CDH18: variants seen among roughly 807,000 people sequenced by gnomAD.
The protein encoded by CDH18 is cadherin-18.
CDH18 carries 31 observed loss-of-function variants against 67.9 expected under a neutral mutation model. The ratio of observed to expected loss-of-function variants is 0.46; its 90% confidence interval spans 0.34 to 0.62. CDH18 has a LOEUF of 0.62. CDH18 is among the 20% of genes least tolerant of loss of function. CDH18 has a pLI of 0.01. For missense variants in CDH18, 890 were observed against 975.5 expected, an observed-to-expected ratio of 0.91 and a Z score of 1.17; for synonymous variants, 362 against 347.2, an observed-to-expected ratio of 1.04 and a Z score of -0.48.
Position 19,655,914 on chromosome 5 carries a change from G to T in CDH18, c.644-43313C>A, listed in dbSNP as rs1046006664. Among the ~76,000 whole-genome samples, 6 of 149,826 alleles carry T rather than the reference G, an allele frequency of 4.0e-5. No homozygotes were observed. In the East Asian group the frequency reaches 6.0e-4, roughly 15 times the overall value. ...AATTGCTTCTTCTATTTGGGATTAA[G>T]ATGAAAGCAAATTGATTCTGCCCAT... On this transcript the variant is annotated intron_variant, in intron 5 of 12. Transcript: ENST00000382275.
intron 1 of CDH18, among the ~76,000 whole-genome samples, chr5:20,561,868 AATTT>A (rs1758237356): frequency 6.7e-6 from 1 of 148,220 alleles, no homozygotes; most frequent in Non-Finnish European, 1.5e-5. Flanking sequence ...CTTCATTATT[AATTT>A]ATTTCAGTAT....
At chr5:20,443,209 C>CAAAAAAAAAAAA (rs72353299) in intron 1 of CDH18, among the ~76,000 whole-genome samples, 2 of 77,516 alleles carry the variant, frequency 2.6e-5, no homozygotes, top group Admixed American at 1.8e-4. Flanking sequence ...GACTCCGTCA[C>CAAAAAAAAAAAA]AAAAAAAAAA....
intron 8 of CDH18, among the ~76,000 whole-genome samples, chr5:19,559,083 T>C (rs943108072): frequency 1.3e-5 from 2 of 152,144 alleles, no homozygotes; most frequent in African/African-American, 4.8e-5. Flanking sequence ...TCTTCTTGCT[T>C]CTCTTCTTGG....
rs1008534546 is a variant in CDH18 at position 20,077,289 on chromosome 5, T to C, written c.-517-85275A>G. On this transcript the variant is annotated intron_variant, in intron 2 of 14. Transcript: ENST00000507958. Reference sequence around the variant, plus strand: ...CACTTTTATAAACCTTGGCGTATTGTACTTGTCAGAAAAACTTCATAACCT... The same window carrying C: ...CACTTTTATAAACCTTGGCGTATTGCACTTGTCAGAAAAACTTCATAACCT... Among the ~76,000 whole-genome samples the C allele has an allele frequency of 3.3e-5, 5 of 152,362 alleles. No individual in the cohort carries two copies. In the East Asian group the frequency reaches 9.6e-4, roughly 29 times the overall value.
At chr5:19,558,362 A>T (rs529115344) in intron 8 of CDH18, among the ~76,000 whole-genome samples, 2 of 152,078 alleles carry the variant, frequency 1.3e-5, no homozygotes, top group East Asian at 3.9e-4. Flanking sequence ...CAAAAAGTTA[A>T]TTCTTTAAAA....
intron 5 of CDH18, among the ~76,000 whole-genome samples, chr5:19,702,941 T>A (rs955999574): frequency 1.3e-5 from 2 of 152,144 alleles, no homozygotes; most frequent in Non-Finnish European, 2.9e-5. Context: ...TAAGGACATG[T>A]TCCTGCTGCA....
chr5:19,993,953 T>C (rs890664333), intron 2 of CDH18, among the ~76,000 whole-genome samples: 1 of 152,166 alleles, frequency 6.6e-6, no homozygotes, highest in African/African-American at 2.4e-5. Flanking sequence ...ATAACACAAG[T>C]TGCTAAAATG....
intron 1 of CDH18, among the ~76,000 whole-genome samples, chr5:20,319,359 T>G (rs1027939963): frequency 6.6e-6 from 1 of 152,154 alleles, no homozygotes; most frequent in African/African-American, 2.4e-5. Flanking sequence ...CCTCTATACC[T>G]TTTTGATTCA....
intron 1 of CDH18, among the ~76,000 whole-genome samples, chr5:20,283,468 A>C (rs1257857671): frequency 6.6e-6 from 1 of 152,104 alleles, no homozygotes; most frequent in Non-Finnish European, 1.5e-5. Flanking sequence ...TCAAAAGAAG[A>C]CACACAAATG....
chr5:19,682,851 C>T (rs1182679822), intron 5 of CDH18, among the ~76,000 whole-genome samples: 1 of 152,030 alleles, frequency 6.6e-6, no homozygotes, highest in Non-Finnish European at 1.5e-5. Flanking sequence ...TATCAGCTAA[C>T]TAAATTGATA....
chr5:20,115,523 C>T (rs779531993), intron 2 of CDH18, among the ~76,000 whole-genome samples: 4 of 151,710 alleles, frequency 2.6e-5, no homozygotes, highest in African/African-American at 4.8e-5. Context: ...ATGATCCACC[C>T]GCCTCAGCCT....
chr5:19,840,092 G>T (rs1275199821), intron 2 of CDH18, among the ~76,000 whole-genome samples: 1 of 136,742 alleles, frequency 7.3e-6, no homozygotes, highest in Non-Finnish European at 1.6e-5. Context: ...CCCGTCTCTA[G>T]TAAAAATAAA....
chr5:19,552,025 T>A (rs1274705960), intron 8 of CDH18, among the ~76,000 whole-genome samples: 2 of 152,148 alleles, frequency 1.3e-5, no homozygotes, highest in African/African-American at 4.8e-5. Context: ...TAATATTTCA[T>A]GCAACTGATA....
chr5:19,532,157 C>CT (rs984915084), intron 9 of CDH18, among the ~76,000 whole-genome samples: 143 of 151,008 alleles, frequency 9.5e-4, no homozygotes, highest in African/African-American at 3.3e-3. Context: ...TTTTTTGGGT[C>CT]TTTTTTTTTA....
intron 5 of CDH18, among the ~76,000 whole-genome samples, chr5:19,702,175 GTCTC>G (rs1763357626): frequency 7.7e-6 from 1 of 129,308 alleles, no homozygotes; most frequent in Non-Finnish European, 1.6e-5. Context: ...TTGAGATGGA[GTCTC>G]CCTCTGTCCC....
rs1257342650 is a variant in CDH18 at position 20,381,897 on chromosome 5, A to G, written c.-579-126392T>C. On this transcript the variant is annotated intron_variant, in intron 1 of 14. Transcript: ENST00000507958. ...TTGTATCTTACTCTTTCTTGTGTTA[A>G]TGATATATAAGGACATTTATACTAT... Among the ~76,000 whole-genome samples, 8 of 152,202 alleles carry G rather than the reference A, an allele frequency of 5.3e-5. No homozygotes were observed. In the East Asian group the frequency reaches 5.8e-4, roughly 11 times the overall value.
At chr5:20,087,501 G>T (rs1237573172) in intron 2 of CDH18, among the ~76,000 whole-genome samples, 1 of 150,658 alleles carries the variant, frequency 6.6e-6, no homozygotes, top group Non-Finnish European at 1.5e-5. Flanking sequence ...AACAAAGTCA[G>T]CAAATGTCAT....
intron 2 of CDH18, among the ~76,000 whole-genome samples, chr5:20,021,640 G>A (rs1297358455): frequency 2.6e-5 from 4 of 152,074 alleles, no homozygotes; most frequent in African/African-American, 4.8e-5. Flanking sequence ...AAAATGCCTC[G>A]AAGGCATTTC....
intron 3 of CDH18, among the ~76,000 whole-genome samples, chr5:19,798,134 A>G (rs1450752278): frequency 2.6e-5 from 4 of 152,056 alleles, no homozygotes; most frequent in African/African-American, 9.7e-5. Context: ...TTGGGGATAC[A>G]TGGACCTAGG....
Sources: gnomAD v4.1 joint callset for allele counts (sites outside exome capture counted in the v4.1 genomes callset) on GRCh38, gnomAD v4.1.1 for gene constraint, MANE v1.5 for transcripts, NCBI Gene and HGNC (gene_info 2026-07-23, HGNC 2026-07-21) for gene names.